The following RBM47 variants were observed in gnomAD, a reference collection of about 807,000 sequenced individuals.
RBM47 encodes the protein RNA binding motif protein 47, also known as RNA-binding protein 47.
Under a neutral mutation model 47.1 loss-of-function variants are expected in RBM47, and 21 were observed. That is an observed-to-expected ratio of 0.45 (90% CI 0.32 to 0.64). The LOEUF (loss-of-function observed/expected upper bound fraction) is 0.64, where lower values mean the gene tolerates loss of function less well. Ranked by LOEUF, RBM47 falls within the 30% of genes least tolerant of loss-of-function variation. RBM47 has a pLI of 0.05. For synonymous variants in RBM47, 375 were observed against 361.7 expected (o/e 1.04, Z -0.42); for missense variants, 708 against 870.9 (o/e 0.81, Z 2.35).
chr4:40,617,569 T>G (rs768713006), intron 1 of RBM47, among the ~76,000 whole-genome samples: 2 of 151,938 alleles, frequency 1.3e-5, no homozygotes, highest in African/African-American at 2.4e-5. Context: ...AAATAATAAA[T>G]AAATATGGCA....
Position 40,629,705 on chromosome 4 carries a change from C to CA in RBM47, c.-550dup, listed in dbSNP as rs1459967633. On this transcript the variant is annotated 5_prime_UTR_variant, in exon 1 of 7. An upstream open reading frame in the 5' UTR loses its in-frame stop. Coordinates refer to ENST00000295971, the MANE Select transcript of RBM47 (RefSeq NM_001098634.2). ...CCTGGTTTCTCTCTATCCCAAGCTG[C>CA]ACATTCCACAGTGGAAAGCGGGAGC... is the stretch of plus-strand genomic sequence containing the variant. 1 of 152,224 alleles carries CA rather than the reference C, an allele frequency of 6.6e-6. No homozygotes were observed. Among genetic ancestry groups the CA allele is most frequent in the East Asian group, 1.9e-4 (1 of 5,180 alleles). 9.4% of individuals were successfully genotyped at this position (152,224 alleles called of 1,614,324 possible). A position where few individuals can be genotyped will look rare whatever the true frequency, so the allele number is the denominator to read the frequency against.
At chr4:40,436,993 A>AC in intron 4 of RBM47, 1 of 377,390 alleles carries the variant, frequency 2.6e-6, no homozygotes, top group South Asian at 1.9e-5. Context: ...TAATCCCAGC[A>AC]CTTTGGGAGG....
At chr4:40,529,907 T>C (rs928221060) in intron 2 of RBM47, among the ~76,000 whole-genome samples, 7 of 149,560 alleles carry the variant, frequency 4.7e-5, no homozygotes, top group African/African-American at 1.2e-4. Context: ...AACTTCACGA[T>C]GGATTTTAAG....
intron 2 of RBM47, among the ~76,000 whole-genome samples, chr4:40,486,397 A>T (rs1238529028): frequency 6.6e-6 from 1 of 152,242 alleles, no homozygotes; most frequent in Admixed American, 6.5e-5. Context: ...GAAAAACAAG[A>T]TTCTATGATG....
intron 3 of RBM47, among the ~76,000 whole-genome samples, chr4:40,463,339 A>G (rs762441686): frequency 2.6e-5 from 4 of 152,148 alleles, no homozygotes; most frequent in Non-Finnish European, 4.4e-5. Flanking sequence ...CTTCACACTC[A>G]CTGTGATGGC....
chr4:40,447,619 C>T (rs1714729194), intron 3 of RBM47, among the ~76,000 whole-genome samples: 1 of 152,222 alleles, frequency 6.6e-6, no homozygotes, highest in African/African-American at 2.4e-5. Flanking sequence ...TGGCTCAGGC[C>T]TGTAATCCCA....
At chr4:40,595,337 T>A (rs892083564) in intron 1 of RBM47, among the ~76,000 whole-genome samples, 9 of 151,316 alleles carry the variant, frequency 5.9e-5, no homozygotes, top group African/African-American at 2.2e-4. Context: ...CTACCAAAAA[T>A]ACAAAAATTA....
intron 2 of RBM47, among the ~76,000 whole-genome samples, chr4:40,476,227 C>T (rs1430829464): frequency 6.6e-6 from 1 of 152,026 alleles, no homozygotes; most frequent in East Asian, 1.9e-4. Flanking sequence ...AAGCTCCTGG[C>T]ATATAGAAAG....
chr4:40,504,098 G>T (rs531570641), intron 2 of RBM47, among the ~76,000 whole-genome samples: 1 of 152,168 alleles, frequency 6.6e-6, no homozygotes, highest in African/African-American at 2.4e-5. Flanking sequence ...CTTCAGGGAT[G>T]GTTTTCTATT....
chr4:40,618,252 G>T (rs1365476412), intron 1 of RBM47, among the ~76,000 whole-genome samples: 7 of 151,092 alleles, frequency 4.6e-5, no homozygotes, highest in East Asian at 2.0e-4. Flanking sequence ...AAAGAAAAAA[G>T]AAAATAAAAG....
intron 2 of RBM47, among the ~76,000 whole-genome samples, chr4:40,520,989 A>C (rs1006069360): frequency 6.6e-6 from 1 of 152,192 alleles, no homozygotes; most frequent in African/African-American, 2.4e-5. Context: ...ACTAGTGATA[A>C]AAAGGCAATG....
At chr4:40,595,911 C>CA (rs1393008493) in intron 1 of RBM47, among the ~76,000 whole-genome samples, 2,694 of 112,252 alleles carry the variant, frequency 0.024, 70 homozygotes, top group African/African-American at 0.074. Flanking sequence ...TCCCCCCTGC[C>CA]AAAAAAAAAA....
chr4:40,490,841 G>A (rs1037931310), intron 2 of RBM47, among the ~76,000 whole-genome samples: 8 of 151,996 alleles, frequency 5.3e-5, no homozygotes, highest in Non-Finnish European at 8.8e-5. Context: ...AATACTCCTC[G>A]ATCTGATCTA....
At chr4:40,511,663 A>C (rs1359828906) in intron 2 of RBM47, among the ~76,000 whole-genome samples, 1 of 152,244 alleles carries the variant, frequency 6.6e-6, no homozygotes, top group Non-Finnish European at 1.5e-5. Flanking sequence ...CCTCATGGAA[A>C]TACTAAATCG....
intron 1 of RBM47, among the ~76,000 whole-genome samples, chr4:40,601,352 T>G (rs2154277421): frequency 6.6e-6 from 1 of 152,286 alleles, no homozygotes; most frequent in South Asian, 2.1e-4. Flanking sequence ...TGACTATCGC[T>G]AATGTTGGAG....
At chr4:40,487,959 C>T (rs879587010) in intron 2 of RBM47, among the ~76,000 whole-genome samples, 9 of 152,086 alleles carry the variant, frequency 5.9e-5, no homozygotes, top group Non-Finnish European at 2.9e-5. Context: ...GAACGCACAT[C>T]CTTTCTGTTC....
chr4:40,477,021 G>A (rs1324387755), intron 2 of RBM47, among the ~76,000 whole-genome samples: 1 of 151,964 alleles, frequency 6.6e-6, no homozygotes, highest in Non-Finnish European at 1.5e-5. Context: ...GATCACTTGA[G>A]GTCAGAAGTT....
chr4:40,608,179 C>A lies in RBM47; in HGVS notation c.-240+21217G>T, dbSNP rs140552857. The stretch of plus-strand genomic sequence containing the variant: ...TAATTATATCTCAGAAAAAAAAAAT[C>A]TAGCTAAAAGATCACCCTTCTTCCC... On this transcript the variant is annotated intron_variant, in intron 1 of 6. Transcript: ENST00000295971. Among the ~76,000 whole-genome samples, 73 of 152,214 alleles carry A rather than the reference C, an allele frequency of 4.8e-4. 2 individuals are homozygous for A. In the East Asian group the frequency reaches 0.013, roughly 27 times the overall value.
intron 3 of RBM47, among the ~76,000 whole-genome samples, chr4:40,443,512 G>A (rs1713996297): frequency 6.6e-6 from 1 of 152,012 alleles, no homozygotes; most frequent in African/African-American, 2.4e-5. Flanking sequence ...GAGGTTGGGA[G>A]TTCGAGACCA....
Sources: allele counts gnomAD v4.1 joint callset (sites outside exome capture counted in the v4.1 genomes callset), GRCh38; gene constraint gnomAD v4.1.1; transcripts MANE v1.5; gene names NCBI Gene and HGNC (gene_info 2026-07-23, HGNC 2026-07-21).